The following ACYP2 variants were observed in gnomAD, a reference collection of about 807,000 sequenced individuals.
The protein encoded by ACYP2 is acylphosphatase 2.
In ACYP2, 12 loss-of-function variants were observed where a neutral mutation model predicts 11.2. The ratio of observed to expected loss-of-function variants is 1.08; its 90% CI spans 0.69 to 1.74. The LOEUF (loss-of-function observed/expected upper bound fraction) is 1.74. Among genes scored for constraint, ACYP2 ranks in the 40% most tolerant of loss-of-function variants. The pLI, the probability that ACYP2 is intolerant of heterozygous loss-of-function variation, is 0.00. For missense variants in ACYP2, 134 were observed against 101.9 expected (o/e 1.31, Z -1.35); for synonymous variants, 43 against 32.2 (o/e 1.33, Z -1.13).
chr2:54,022,902 T>C (rs1018706989), intron 2 of ACYP2, among the ~76,000 whole-genome samples: 2 of 152,172 alleles, frequency 1.3e-5, no homozygotes, highest in African/African-American at 4.8e-5. Flanking sequence ...TTTTGTCCTA[T>C]CATATTTTTC....
At chr2:54,186,397 A>T (rs1683997486) in intron 6 of ACYP2, among the ~76,000 whole-genome samples, 1 of 152,176 alleles carries the variant, frequency 6.6e-6, no homozygotes, top group Non-Finnish European at 1.5e-5. Context: ...ATGTAGATGA[A>T]GCCTTGAAAA....
chr2:54,051,580 G>C, intron 3 of ACYP2: 2 of 743,042 alleles, frequency 2.7e-6, no homozygotes, highest in Non-Finnish European at 5.0e-6. Flanking sequence ...GTGATGTTGT[G>C]AAGAAACTAG....
chr2:54,101,666 T>G (rs1221769716), intron 4 of ACYP2, among the ~76,000 whole-genome samples: 1 of 107,384 alleles, frequency 9.3e-6, no homozygotes, highest in East Asian at 5.0e-4. Flanking sequence ...AGAGGGAGAC[T>G]GTCTCAAAAA....
chr2:54,082,338 C>T (rs1037971985), intron 4 of ACYP2, among the ~76,000 whole-genome samples: 1 of 151,660 alleles, frequency 6.6e-6, no homozygotes, highest in Non-Finnish European at 1.5e-5. Flanking sequence ...CTCTGCCTCG[C>T]AGGTTCAAGC....
At chr2:54,089,848 A>G (rs950360593) in intron 4 of ACYP2, among the ~76,000 whole-genome samples, 4 of 152,050 alleles carry the variant, frequency 2.6e-5, no homozygotes, top group South Asian at 2.1e-4. Context: ...CTTTTTAACT[A>G]TTAAAAAGTT....
chr2:54,198,036 T>TGTATTGTATTGTATTGTATTGTATTG (rs1462389697), intron 6 of ACYP2, among the ~76,000 whole-genome samples: 4 of 143,926 alleles, frequency 2.8e-5, no homozygotes, highest in East Asian at 2.0e-4. Flanking sequence ...TGTATTGTAT[T>TGTATTGTATTGTATTGTATTGTATTG]TTAAGACAGT....
Position 53,971,134 on chromosome 2 carries a change from A to C in ACYP2, c.-224A>C. 6.1e-5 allele frequency: 12 copies of C among 197,016 alleles called. No homozygotes were observed. The highest frequency in any genetic ancestry group is 3.7e-4 in the East Asian group (3 of 8,194). The allele number at this position is 197,016 out of a possible 1,614,324, so 12.2% of individuals were successfully genotyped here. A position where few individuals can be genotyped will look rare whatever the true frequency, so the allele number is the denominator to read the frequency against. On this transcript the variant is annotated 5_prime_UTR_variant, in exon 1 of 7. Coordinates refer to ENST00000607452, the MANE Select transcript of ACYP2 (RefSeq NM_001320586.2). Reference sequence around the variant, plus strand: ...CGGTGGTGGCGGCAGCTGGAGCCCAACGGGCTGCGCCTTCTTCGCCGTGGG... The same window carrying C: ...CGGTGGTGGCGGCAGCTGGAGCCCACCGGGCTGCGCCTTCTTCGCCGTGGG...
chr2:53,981,728 C>T (rs1671772571), intron 2 of ACYP2, among the ~76,000 whole-genome samples: 1 of 152,158 alleles, frequency 6.6e-6, no homozygotes, highest in East Asian at 1.9e-4. Flanking sequence ...TTACCTGCCA[C>T]CAGACCCTAT....
intron 6 of ACYP2, among the ~76,000 whole-genome samples, chr2:54,152,115 C>A (rs1165312150): frequency 9.4e-6 from 1 of 106,934 alleles, no homozygotes; most frequent in African/African-American, 3.5e-5. Context: ...AGGGTTGACT[C>A]TTTTTTTTTT....
chr2:54,010,009 C>G (rs1005794761), intron 2 of ACYP2, among the ~76,000 whole-genome samples: 6 of 152,008 alleles, frequency 3.9e-5, no homozygotes, highest in Non-Finnish European at 8.8e-5. Flanking sequence ...TGGTTGAATT[C>G]AAATTACTCT....
At chr2:54,276,317 G>C (rs533637500) in intron 6 of ACYP2, among the ~76,000 whole-genome samples, 1 of 151,992 alleles carries the variant, frequency 6.6e-6, no homozygotes, top group Non-Finnish European at 1.5e-5. Context: ...GTTAGTGTAG[G>C]TATTTCAGAC....
At chr2:54,001,346 G>A (rs1558463321) in intron 2 of ACYP2, among the ~76,000 whole-genome samples, 1 of 152,026 alleles carries the variant, frequency 6.6e-6, no homozygotes, top group Non-Finnish European at 1.5e-5. Context: ...ACCCCAGCCT[G>A]AACATAGTGA....
intron 2 of ACYP2, among the ~76,000 whole-genome samples, chr2:53,993,134 A>G (rs1672387766): frequency 1.3e-5 from 2 of 152,184 alleles, no homozygotes; most frequent in Non-Finnish European, 2.9e-5. Context: ...TGAACCCAGG[A>G]GGCAGAGGTT....
At position 54,304,881 on chromosome 2, in the gene ACYP2, A is replaced by T; in HGVS notation, c.*79A>T. The T allele has an allele frequency of 7.3e-6, 5 of 683,716 alleles. No individual in the cohort carries two copies. Among genetic ancestry groups the T allele is most frequent in the African/African-American group, 1.8e-5 (1 of 54,380 alleles). 42.4% of individuals were successfully genotyped at this position (683,716 alleles called of 1,614,324 possible). ...CTATGTATACTAGAATAATAGTAGC[A>T]GAGTAGGGTGAAAAGGAACTTTCTG... is the stretch of plus-strand genomic sequence containing the variant. On this transcript the variant is annotated 3_prime_UTR_variant, in exon 7 of 7. Transcript: ENST00000607452.
At chr2:54,232,180 T>C (rs1686263574) in intron 6 of ACYP2, among the ~76,000 whole-genome samples, 1 of 152,208 alleles carries the variant, frequency 6.6e-6, no homozygotes, top group Admixed American at 6.5e-5. Flanking sequence ...CCGGGTTCTA[T>C]CTCTGTGATT....
intron 6 of ACYP2, among the ~76,000 whole-genome samples, chr2:54,227,432 A>C (rs915576323): frequency 6.6e-6 from 1 of 152,106 alleles, no homozygotes; most frequent in Non-Finnish European, 1.5e-5. Context: ...CGAGGTCAGG[A>C]GATCGAGACC....
At chr2:54,234,860 T>G (rs547774140) in intron 6 of ACYP2, among the ~76,000 whole-genome samples, 23 of 152,192 alleles carry the variant, frequency 1.5e-4, no homozygotes, top group Non-Finnish European at 2.8e-4. Flanking sequence ...CACCCAAGCT[T>G]CACCATAAAT....
chr2:54,029,514 C>A, intron 2 of ACYP2: 1 of 384,862 alleles, frequency 2.6e-6, no homozygotes, highest in South Asian at 2.3e-5. Context: ...GTGGTTCCAG[C>A]AACTCAGGCT....
At chr2:54,266,577 G>C (rs1171274733) in intron 6 of ACYP2, among the ~76,000 whole-genome samples, 1 of 121,320 alleles carries the variant, frequency 8.2e-6, no homozygotes, top group Non-Finnish European at 1.6e-5. Flanking sequence ...GATAGATATA[G>C]ATATCTATCT....
Sources: gnomAD v4.1 joint callset for allele counts (sites outside exome capture counted in the v4.1 genomes callset) on GRCh38, gnomAD v4.1.1 for gene constraint, MANE v1.5 for transcripts, NCBI Gene and HGNC (gene_info 2026-07-23, HGNC 2026-07-21) for gene names.